CFAP57: variants seen among roughly 807,000 people sequenced by gnomAD.
CFAP57 encodes the protein cilia- and flagella-associated protein 57.
Under a neutral mutation model 146.8 loss-of-function variants are expected in CFAP57, and 116 were observed. The ratio of observed to expected loss-of-function variants is 0.79; its 90% CI spans 0.68 to 0.92. The LOEUF (loss-of-function observed/expected upper bound fraction) is 0.92. Among genes scored for constraint, CFAP57 ranks in the 40% least tolerant of loss-of-function variants. The pLI, the probability that CFAP57 is intolerant of heterozygous loss-of-function variation, is 0.00. For missense variants in CFAP57, 1,377 were observed against 1,527.2 expected, an observed-to-expected ratio of 0.90 and a Z score of 1.64; for synonymous variants, 518 against 552.8, an observed-to-expected ratio of 0.94 and a Z score of 0.88.
chr1:43,181,395 AAC>A, intron 2 of CFAP57, 137 bp from the exon 3 acceptor site: 3 of 1,027,564 alleles, frequency 2.9e-6, no homozygotes, highest in Non-Finnish European at 4.4e-6. Context: ...ATAATACCCA[AAC>A]ACAGCTATGC....
intron 21 of CFAP57, among the ~76,000 whole-genome samples, chr1:43,235,972 T>C (rs1570299177): frequency 6.6e-6 from 1 of 152,020 alleles, no homozygotes; most frequent in African/African-American, 2.4e-5. Context: ...AGCCAGAGGG[T>C]GTGAGCGTCA....
At chr1:43,219,344 C>T in intron 12 of CFAP57, 38 bp from the exon 13 acceptor site, 1 of 1,534,052 alleles carries the variant, frequency 6.5e-7, no homozygotes, top group Non-Finnish European at 8.8e-7. Flanking sequence ...GTCACCCTTA[C>T]TGTCAGTGTT....
intron 6 of CFAP57, among the ~76,000 whole-genome samples, chr1:43,188,932 T>C (rs181306169): frequency 1.1e-3 from 171 of 152,360 alleles, no homozygotes; most frequent in Admixed American, 2.0e-3. Flanking sequence ...CATTTGAGTA[T>C]ATGGGATGGT....
At chr1:43,186,532 A>T (rs1170882929) in intron 5 of CFAP57, among the ~76,000 whole-genome samples, 175 bp from the exon 6 acceptor site, 1 of 148,520 alleles carries the variant, frequency 6.7e-6, no homozygotes, top group Non-Finnish European at 1.5e-5. Flanking sequence ...AATGGCGTGA[A>T]CCCGGGAGGC....
intron 2 of CFAP57, among the ~76,000 whole-genome samples, chr1:43,174,497 CCAGA>C (rs1334006069): frequency 4.6e-5 from 7 of 152,286 alleles, no homozygotes; most frequent in African/African-American, 1.7e-4. Context: ...GTAAGCACCT[CCAGA>C]CAGTGTTGAT....
At chr1:43,251,299 C>T (rs935905746) in intron 22 of CFAP57, among the ~76,000 whole-genome samples, 4 of 152,228 alleles carry the variant, frequency 2.6e-5, no homozygotes, top group Non-Finnish European at 5.9e-5. Flanking sequence ...AGTCTCAAAT[C>T]CATATCTCTG....
intron 18 of CFAP57, among the ~76,000 whole-genome samples, chr1:43,229,596 C>T (rs1431901374): frequency 6.7e-6 from 1 of 148,728 alleles, no homozygotes; most frequent in Admixed American, 6.6e-5. Context: ...AGGTACCCGC[C>T]CTCACATACT....
chr1:43,187,781 T>G (rs1009426691), intron 6 of CFAP57, among the ~76,000 whole-genome samples: 3 of 152,180 alleles, frequency 2.0e-5, no homozygotes, highest in Admixed American at 6.5e-5. Flanking sequence ...CTTTTATGAC[T>G]GGCTTCTTTG....
intron 2 of CFAP57, among the ~76,000 whole-genome samples, chr1:43,179,223 T>G (rs911792088): frequency 6.6e-6 from 1 of 152,154 alleles, no homozygotes; most frequent in Non-Finnish European, 1.5e-5. Flanking sequence ...ACATGGCACA[T>G]GTATACATAT....
rs187598610 is a variant in CFAP57 at position 43,231,856 on chromosome 1, G to C, written c.3010-652G>C. The stretch of plus-strand genomic sequence containing the variant: ...CCACTGCACTCCAGCCTCGGCAACA[G>C]AGCAAGACTCCATCTAAAAAAAATG... On this transcript the variant is annotated intron_variant, in intron 18 of 22. Coordinates refer to ENST00000372492, the MANE Select transcript of CFAP57 (RefSeq NM_001378189.1). Among the ~76,000 whole-genome samples the C allele has an allele frequency of 2.9e-3, 445 of 152,288 alleles. 1 individual carries two copies. The highest frequency in any genetic ancestry group is 0.01 in the African/African-American group (430 of 41,562).
At chr1:43,219,004 A>C (rs1419212388) in intron 12 of CFAP57, among the ~76,000 whole-genome samples, 2 of 152,242 alleles carry the variant, frequency 1.3e-5, no homozygotes, top group African/African-American at 4.8e-5. Context: ...AAATTGTAGA[A>C]AGTGCAAGAT....
rs1020925682 is a variant in CFAP57 at position 43,254,129 on chromosome 1, G to A, written c.3691G>A (p.Ala1231Thr). Residue 1231 changes from alanine (A) to threonine (T), a missense_variant, in exon 23 of 23, where the codon GCT becomes ACT. Ala to Thr is a moderately conservative substitution (Grantham distance 58). Transcript: ENST00000372492. ...GCAGGTCACAGGGTTCCACACCCTC[G>A]CTGGAGTTCGGCTTCCTTCCCTCTC... ...QEQVTGFHTLAGVRLPSLSNS... is the reference protein window; with the variant it reads ...QEQVTGFHTLTGVRLPSLSNS... 33 of 1,550,698 alleles carry A rather than the reference G, an allele frequency of 2.1e-5. No homozygotes were observed. In the Middle Eastern group the frequency reaches 6.7e-4, roughly 31 times the overall value.
At chr1:43,231,484 T>A (rs1425383565) in intron 18 of CFAP57, among the ~76,000 whole-genome samples, 1 of 152,216 alleles carries the variant, frequency 6.6e-6, no homozygotes, top group Non-Finnish European at 1.5e-5. Context: ...CATGCACAGC[T>A]AGTCTCATCC....
Position 43,224,207 on chromosome 1 carries a change from G to A in CFAP57, c.2865+3G>A, listed in dbSNP as rs1018745845. ...GAGACGAGACTATTCAAGACAAGGT[G>A]CAGCTCTCCTTCTGTCCTCCCTCAG... On this transcript the variant is annotated splice_donor_region_variant and intron_variant, in intron 17 of 22. Transcript: ENST00000372492. 2.6e-6 allele frequency: 4 copies of A among 1,531,572 alleles called. No homozygotes were observed. Among genetic ancestry groups the A allele is most frequent in the African/African-American group, 2.8e-5 (2 of 72,482 alleles). 94.9% of individuals were successfully genotyped at this position (1,531,572 alleles called of 1,614,324 possible).
At position 43,254,126 on chromosome 1, in the gene CFAP57, C is replaced by T. The variant is rs1428846471; in HGVS notation, c.3688C>T (p.Leu1230Phe). ...EQEQVTGFHT[L>F]AGVRLPSLSN... Reference sequence around the variant, plus strand: ...AGAGCAGGTCACAGGGTTCCACACCCTCGCTGGAGTTCGGCTTCCTTCCCT... The same window carrying T: ...AGAGCAGGTCACAGGGTTCCACACCTTCGCTGGAGTTCGGCTTCCTTCCCT... Residue 1230 changes from leucine (L) to phenylalanine (F), a missense_variant, in exon 23 of 23, where the codon CTC becomes TTC. Transcript: ENST00000372492. 1.3e-6 allele frequency: 2 copies of T among 1,550,740 alleles called. No individual in the cohort carries two copies.
At chr1:43,210,571 CA>C in intron 11 of CFAP57, 1 of 302,186 alleles carries the variant, frequency 3.3e-6, no homozygotes, top group Non-Finnish European at 5.1e-6. Context: ...TAAGGCCAAC[CA>C]CAAAAAGATA....
intron 21 of CFAP57, among the ~76,000 whole-genome samples, chr1:43,242,859 TTATATA>T (rs759105384): frequency 6.6e-6 from 1 of 151,584 alleles, no homozygotes; most frequent in Admixed American, 6.6e-5. Flanking sequence ...AGCCATATAA[TTATATA>T]TATATAATAT....
intron 12 of CFAP57, among the ~76,000 whole-genome samples, chr1:43,216,944 A>T (rs1644855779): frequency 6.6e-6 from 1 of 152,220 alleles, no homozygotes; most frequent in Non-Finnish European, 1.5e-5. Flanking sequence ...TATCACAAAG[A>T]AGGGAATTAA....
At chr1:43,205,489 G>A (rs1011328282) in intron 9 of CFAP57, among the ~76,000 whole-genome samples, 2 of 152,176 alleles carry the variant, frequency 1.3e-5, no homozygotes, top group African/African-American at 4.8e-5. Flanking sequence ...GTGCACATGC[G>A]TGTGTATGTG....
Sources: allele counts gnomAD v4.1 joint callset (sites outside exome capture counted in the v4.1 genomes callset), GRCh38; gene constraint gnomAD v4.1.1; transcripts MANE v1.5; gene names NCBI Gene and HGNC (gene_info 2026-07-23, HGNC 2026-07-21).